CCDC7: variants seen among roughly 807,000 people sequenced by gnomAD.
CCDC7 encodes the protein coiled-coil domain containing 7.
Under a neutral mutation model 196.9 loss-of-function variants are expected in CCDC7, and 183 were observed. The ratio of observed to expected loss-of-function variants is 0.93; its 90% CI spans 0.82 to 1.05. The LOEUF (loss-of-function observed/expected upper bound fraction) is 1.05. Among genes scored for constraint, CCDC7 ranks in the 50% least tolerant of loss-of-function variants. The pLI is 0.00. For synonymous variants in CCDC7, 525 were observed against 484.6 expected (o/e 1.08, Z -1.10); for missense variants, 1,540 against 1,482.2 (o/e 1.04, Z -0.64).
chr10:32,483,102 T>G (rs928002411), intron 8 of CCDC7, among the ~76,000 whole-genome samples: 2 of 152,216 alleles, frequency 1.3e-5, no homozygotes, highest in East Asian at 1.9e-4. Flanking sequence ...TGAACTAGTT[T>G]ACAGTCCCAC....
At chr10:32,456,373 A>G in intron 3 of CCDC7, 39 bp downstream of exon 4, 1 of 1,412,822 alleles carries the variant, frequency 7.1e-7, no homozygotes, top group East Asian at 2.5e-5. Flanking sequence ...TAAAATATCA[A>G]ACTTGTACTG....
chr10:32,708,104 G>C (rs71493142), intron 24 of CCDC7, among the ~76,000 whole-genome samples: 21,048 of 152,056 alleles, frequency 0.14, 1,754 homozygotes, highest in East Asian at 0.25. Flanking sequence ...AAAGAGCATA[G>C]TACTGGTACC....
In CCDC7 at chr10:32,533,233, T is replaced by G. The variant is rs149104991; in HGVS notation, c.994-10067T>G. Among the ~76,000 whole-genome samples the G allele has an allele frequency of 6.3e-3, 612 of 97,196 alleles. 5 individuals carry two copies. Among genetic ancestry groups the G allele is most frequent in the African/African-American group, 0.021 (595 of 28,212 alleles). 63.8% of individuals were successfully genotyped at this position (97,196 alleles called of 152,430 possible). A position where few individuals can be genotyped will look rare whatever the true frequency, so the allele number is the denominator to read the frequency against. On this transcript the variant is annotated intron_variant, in intron 11 of 41. Coordinates refer to ENST00000639629, the Ensembl canonical transcript of CCDC7. ...TTATCTTTAATCCCAAATAAAAGAA[T>G]AGAAACAAAGGAAACACACACACAC...
At chr10:32,820,577 T>A (rs1168530928) in intron 31 of CCDC7, among the ~76,000 whole-genome samples, 1 of 152,046 alleles carries the variant, frequency 6.6e-6, no homozygotes, top group Non-Finnish European at 1.5e-5. Flanking sequence ...ACTACAAGGC[T>A]ACAGTAACCA....
intron 32 of CCDC7, among the ~76,000 whole-genome samples, chr10:32,831,243 G>C (rs1354301642): frequency 6.6e-6 from 1 of 152,092 alleles, no homozygotes; most frequent in East Asian, 1.9e-4. Flanking sequence ...AAGATAAAAA[G>C]TGGTACACCT....
chr10:32,726,827 G>A lies in CCDC7; in HGVS notation c.2663G>A (p.Arg888His), dbSNP rs41307551. The A allele has an allele frequency of 1.3e-4, 206 of 1,546,540 alleles. 1 individual carries two copies. The highest frequency in any genetic ancestry group is 3.9e-4 in the South Asian group (34 of 87,554). Residue 888 changes from arginine to histidine, a missense_variant, in exon 26 of 42, where the codon CGT becomes CAT. Coordinates refer to ENST00000639629, the Ensembl canonical transcript of CCDC7. ...AAAATAACTCCTGGAAGGGAAAGGC[G>A]TAATAGTAAGTGTAGTAATTATAGA...
intron 5 of CCDC7, among the ~76,000 whole-genome samples, chr10:32,468,737 C>T (rs755157924): frequency 1.4e-4 from 20 of 140,702 alleles, no homozygotes; most frequent in Non-Finnish European, 2.4e-4. Context: ...GATTAGATTT[C>T]TTTTGTGAGT....
In CCDC7 at chr10:32,689,049, G is replaced by A. The variant is rs200052086; in HGVS notation, c.2234-4G>A. The A allele has an allele frequency of 1.3e-6, 2 of 1,540,292 alleles. No individual in the cohort carries two copies. Among genetic ancestry groups the A allele is most frequent in the East Asian group, 2.3e-5 (1 of 44,350 alleles). On this transcript the variant is annotated splice_region_variant and splice_polypyrimidine_tract_variant and intron_variant, in intron 22 of 41. Transcript: ENST00000639629. ...TAGCGGACTAAACACATCTTTTTCT[G>A]TAGCTCCTGATAAAGAACCAAATGA...
intron 41 of CCDC7, among the ~76,000 whole-genome samples, chr10:32,871,607 C>T (rs1053059798): frequency 2.7e-4 from 41 of 151,984 alleles, no homozygotes; most frequent in African/African-American, 9.7e-4. Context: ...TCCTTCAATT[C>T]TGCTCTGATC....
At chr10:32,675,618 A>G (rs907572433) in intron 21 of CCDC7, 2 of 152,326 alleles carry the variant, frequency 1.3e-5, no homozygotes, top group East Asian at 1.9e-4. Context: ...TTATACTTTC[A>G]TATACTTTGG....
At chr10:32,460,503 T>C (rs1257518909) in intron 3 of CCDC7, among the ~76,000 whole-genome samples, 2 of 152,170 alleles carry the variant, frequency 1.3e-5, no homozygotes, top group Non-Finnish European at 2.9e-5. Context: ...GTGGTTGAAT[T>C]GATATACGCT....
At chr10:32,704,631 C>T (rs1591808802) in intron 24 of CCDC7, among the ~76,000 whole-genome samples, 1 of 152,104 alleles carries the variant, frequency 6.6e-6, no homozygotes, top group Non-Finnish European at 1.5e-5. Flanking sequence ...GGCAGGCAGG[C>T]CTCCTTGAGC....
intron 18 of CCDC7, among the ~76,000 whole-genome samples, chr10:32,620,647 T>C (rs2063313366): frequency 6.6e-6 from 1 of 152,188 alleles, no homozygotes; most frequent in Non-Finnish European, 1.5e-5. Flanking sequence ...GTTGATTTTG[T>C]ATTTATATTT....
intron 25 of CCDC7, among the ~76,000 whole-genome samples, chr10:32,716,786 C>A (rs1030434424): frequency 1.3e-5 from 2 of 152,022 alleles, no homozygotes; most frequent in Admixed American, 1.3e-4. Context: ...AAACAAAGAT[C>A]AAAAAAGACA....
intron 2 of CCDC7, among the ~76,000 whole-genome samples, chr10:32,454,899 T>C (rs779914004): frequency 1.1e-4 from 16 of 152,246 alleles, no homozygotes; most frequent in South Asian, 2.1e-4. Context: ...ACATAATCCA[T>C]TGGTCTTGCT....
intron 28 of CCDC7, among the ~76,000 whole-genome samples, chr10:32,761,869 A>T (rs1236924492): frequency 6.6e-6 from 1 of 151,986 alleles, no homozygotes; most frequent in Non-Finnish European, 1.5e-5. Context: ...TTGGAAGCAG[A>T]ATTTGTAGAG....
chr10:32,797,464 G>A (rs188769162), intron 29 of CCDC7, among the ~76,000 whole-genome samples: 3 of 152,052 alleles, frequency 2.0e-5, no homozygotes, highest in Admixed American at 2.0e-4. Context: ...GCTAAGCTAC[G>A]AGGATGCAAA....
intron 5 of CCDC7, among the ~76,000 whole-genome samples, chr10:32,467,087 C>T (rs2036948457): frequency 6.7e-6 from 1 of 149,932 alleles, no homozygotes; most frequent in South Asian, 2.1e-4. Flanking sequence ...TGAAAAGCGT[C>T]GTTCATGTCC....
intron 41 of CCDC7, among the ~76,000 whole-genome samples, chr10:32,858,052 A>G (rs1479051883): frequency 7.9e-6 from 1 of 126,042 alleles, no homozygotes; most frequent in Non-Finnish European, 1.9e-5. Flanking sequence ...TCCTCAAAAA[A>G]TATAAGCTAC....
Sources: gnomAD v4.1 joint callset for allele counts (sites outside exome capture counted in the v4.1 genomes callset) on GRCh38, gnomAD v4.1.1 for gene constraint, MANE v1.5 for transcripts, NCBI Gene and HGNC (gene_info 2026-07-23, HGNC 2026-07-21) for gene names.